KCNJ6: variants seen among roughly 807,000 people sequenced by gnomAD.
KCNJ6 encodes the protein potassium inwardly rectifying channel subfamily J member 6.
A neutral mutation model predicts 34.2 loss-of-function variants in KCNJ6; 9 were observed. That is an observed-to-expected ratio of 0.26 (90% CI 0.16 to 0.46). The LOEUF (loss-of-function observed/expected upper bound fraction) is 0.46, where lower values mean the gene tolerates loss of function less well. Ranked by LOEUF, KCNJ6 falls within the 20% of genes least tolerant of loss-of-function variation. The pLI is 1.00. For missense variants in KCNJ6, 236 were observed against 531.3 expected (o/e 0.44, Z 5.46); for synonymous variants, 196 against 207.1 (o/e 0.95, Z 0.46).
intron 2 of KCNJ6, among the ~76,000 whole-genome samples, chr21:37,777,360 T>C (rs1411236637): frequency 6.6e-6 from 1 of 152,154 alleles, no homozygotes; most frequent in African/African-American, 2.4e-5. Context: ...TTCTTTCTTG[T>C]CCTTTCCCCA....
chr21:37,650,055 G>T (rs555149702), intron 3 of KCNJ6, among the ~76,000 whole-genome samples: 1 of 152,012 alleles, frequency 6.6e-6, no homozygotes, highest in Non-Finnish European at 1.5e-5. Flanking sequence ...GAACCACCGC[G>T]CCTGGCCTAA....
intron 1 of KCNJ6, among the ~76,000 whole-genome samples, chr21:37,857,678 A>G (rs1288890251): frequency 2.0e-5 from 3 of 152,132 alleles, no homozygotes; most frequent in African/African-American, 7.2e-5. Flanking sequence ...GCCCTTCTCA[A>G]CACTTCCTTT....
At chr21:37,627,028 C>A (rs562006552) in intron 3 of KCNJ6, among the ~76,000 whole-genome samples, 3 of 152,230 alleles carry the variant, frequency 2.0e-5, no homozygotes, top group Admixed American at 2.0e-4. Context: ...ATAAGTATTA[C>A]GCAGCTGCTT....
At chr21:37,888,247 T>C (rs971743070) in intron 1 of KCNJ6, among the ~76,000 whole-genome samples, 2 of 152,188 alleles carry the variant, frequency 1.3e-5, no homozygotes, top group African/African-American at 4.8e-5. Context: ...CTTTCCTCTC[T>C]CTCTTCTTCT....
intron 1 of KCNJ6, among the ~76,000 whole-genome samples, chr21:37,902,603 T>C (rs897448738): frequency 6.6e-6 from 1 of 152,198 alleles, no homozygotes; most frequent in Non-Finnish European, 1.5e-5. Flanking sequence ...TGAATGGCCC[T>C]TCCATGAAAA....
At chr21:37,827,748 A>G (rs1432485353) in intron 2 of KCNJ6, among the ~76,000 whole-genome samples, 1 of 152,200 alleles carries the variant, frequency 6.6e-6, no homozygotes, top group Non-Finnish European at 1.5e-5. Context: ...TTTTCAATAT[A>G]TGAATATATT....
At chr21:37,779,693 C>T (rs187655421) in intron 2 of KCNJ6, among the ~76,000 whole-genome samples, 2 of 152,228 alleles carry the variant, frequency 1.3e-5, no homozygotes, top group South Asian at 2.1e-4. Flanking sequence ...TTCCTTGAGA[C>T]GAGGCTAATG....
chr21:37,670,956 G>T (rs954850350), intron 3 of KCNJ6, among the ~76,000 whole-genome samples: 44 of 152,030 alleles, frequency 2.9e-4, no homozygotes, highest in Non-Finnish European at 5.9e-5. Flanking sequence ...ATTGTCAATG[G>T]GCCTGTTTTC....
At chr21:37,821,759 TGG>T (rs2055374340) in intron 2 of KCNJ6, among the ~76,000 whole-genome samples, 1 of 152,264 alleles carries the variant, frequency 6.6e-6, no homozygotes, top group Non-Finnish European at 1.5e-5. Flanking sequence ...CTACTGGGTC[TGG>T]TTAATCAAAT....
intron 3 of KCNJ6, among the ~76,000 whole-genome samples, chr21:37,667,303 A>G (rs2054519370): frequency 6.6e-6 from 1 of 151,736 alleles, no homozygotes; most frequent in Non-Finnish European, 1.5e-5. Flanking sequence ...CCACATTTTG[A>G]ATTGGAGAAT....
At chr21:37,789,813 A>T (rs2055208740) in intron 2 of KCNJ6, among the ~76,000 whole-genome samples, 1 of 152,178 alleles carries the variant, frequency 6.6e-6, no homozygotes, top group Non-Finnish European at 1.5e-5. Context: ...AGTCATGCAG[A>T]TAGATATAAT....
chr21:37,765,062 A>T (rs1166937013), intron 2 of KCNJ6, among the ~76,000 whole-genome samples: 2 of 152,202 alleles, frequency 1.3e-5, no homozygotes, highest in Non-Finnish European at 2.9e-5. Flanking sequence ...AAATTAAATT[A>T]TATAAACTTA....
chr21:37,783,735 C>A (rs2055180637), intron 2 of KCNJ6, among the ~76,000 whole-genome samples: 1 of 152,166 alleles, frequency 6.6e-6, no homozygotes. Context: ...GCTCTAACCT[C>A]CAGTGTGGCT....
At chr21:37,769,774 T>C (rs558701319) in intron 2 of KCNJ6, among the ~76,000 whole-genome samples, 1 of 152,130 alleles carries the variant, frequency 6.6e-6, no homozygotes, top group Non-Finnish European at 1.5e-5. Flanking sequence ...TAAGAGGTGA[T>C]TAGGTCCTGA....
At chr21:37,693,725 A>G (rs2054650892) in intron 3 of KCNJ6, among the ~76,000 whole-genome samples, 1 of 152,220 alleles carries the variant, frequency 6.6e-6, no homozygotes, top group African/African-American at 2.4e-5. Context: ...AAATGGTCTA[A>G]TAGATTAAAT....
chr21:37,898,481 C>T (rs1175824875), intron 1 of KCNJ6, among the ~76,000 whole-genome samples: 2 of 151,304 alleles, frequency 1.3e-5, no homozygotes, highest in African/African-American at 4.9e-5. Context: ...ATCTGGGAGG[C>T]TGAGGCAGAA....
intron 3 of KCNJ6, among the ~76,000 whole-genome samples, chr21:37,705,871 C>T (rs2054716922): frequency 6.6e-6 from 1 of 152,206 alleles, no homozygotes. Flanking sequence ...GTTAATGTGA[C>T]ATTTTATATC....
In KCNJ6 at chr21:37,914,916, G is replaced by T. The variant is rs199842395; in HGVS notation, c.-28+968C>A. ...AACTCCCAAACACTGGAGTTGTGGG[G>T]TTTTTTTTTTTTTCTCTTCCTTTTT... On this transcript the variant is annotated intron_variant, in intron 1 of 3. Transcript: ENST00000609713. Among the ~76,000 whole-genome samples the T allele has an allele frequency of 9.2e-4, 133 of 144,668 alleles. 3 individuals are homozygous for T. The highest frequency in any genetic ancestry group is 1.3e-3 in the Admixed American group (19 of 14,562). The allele number at this position is 144,668 out of a possible 152,430, so 94.9% of individuals were successfully genotyped here.
At chr21:37,631,568 C>T (rs999719035) in intron 3 of KCNJ6, among the ~76,000 whole-genome samples, 2 of 152,162 alleles carry the variant, frequency 1.3e-5, no homozygotes, top group Non-Finnish European at 2.9e-5. Flanking sequence ...TTCACAATAG[C>T]AGGACGATTG....
Sources: gnomAD v4.1 joint callset for allele counts (sites outside exome capture counted in the v4.1 genomes callset) on GRCh38, gnomAD v4.1.1 for gene constraint, MANE v1.5 for transcripts, NCBI Gene and HGNC (gene_info 2026-07-23, HGNC 2026-07-21) for gene names.